The following PPM1D variants were observed in gnomAD, a reference collection of about 807,000 sequenced individuals.
The protein encoded by PPM1D is protein phosphatase 1D.
A neutral mutation model predicts 58.3 loss-of-function variants in PPM1D; 52 were observed. The ratio of observed to expected loss-of-function variants is 0.89; its 90% CI spans 0.71 to 1.12. PPM1D has a LOEUF of 1.12. Ranked by LOEUF, PPM1D falls within the 50% of genes most tolerant of loss-of-function variation. PPM1D has a pLI of 0.00. For missense variants in PPM1D, 564 were observed against 777.2 expected (o/e 0.73, Z 3.26); for synonymous variants, 278 against 285.1 (o/e 0.98, Z 0.25).
At chr17:60,620,643 G>C (rs2030681311) in intron 1 of PPM1D, among the ~76,000 whole-genome samples, 1 of 151,090 alleles carries the variant, frequency 6.6e-6, no homozygotes, top group South Asian at 2.1e-4. Flanking sequence ...CTCCTGAGCT[G>C]GGATTACAGG....
At chr17:60,619,344 G>A (rs2143647025) in intron 1 of PPM1D, among the ~76,000 whole-genome samples, 1 of 152,002 alleles carries the variant, frequency 6.6e-6, no homozygotes, top group East Asian at 1.9e-4. Context: ...TGCAGGGAGT[G>A]TTGAGGTACA....
intron 1 of PPM1D, among the ~76,000 whole-genome samples, chr17:60,620,628 G>A (rs1334346725): frequency 6.6e-6 from 1 of 151,902 alleles, no homozygotes; most frequent in African/African-American, 2.4e-5. Flanking sequence ...CTGAGGTTAG[G>A]ATCCCTCCTG....
intron 5 of PPM1D, chr17:60,657,199 T>A: frequency 1.4e-6 from 1 of 720,664 alleles, no homozygotes; most frequent in Non-Finnish European, 1.7e-6. Context: ...TTATCAGTAA[T>A]AAGCCTGAGA....
chr17:60,615,341 C>T (rs1434714480), intron 1 of PPM1D, among the ~76,000 whole-genome samples: 1 of 151,980 alleles, frequency 6.6e-6, no homozygotes, highest in Non-Finnish European at 1.5e-5. Flanking sequence ...GCCGAGGAGG[C>T]AGAGGTTGTG....
intron 5 of PPM1D, among the ~76,000 whole-genome samples, chr17:60,658,414 T>G (rs1418043382): frequency 6.9e-6 from 1 of 143,926 alleles, no homozygotes; most frequent in African/African-American, 2.6e-5. Flanking sequence ...TTTGGGAGGC[T>G]GAGTTGGGCA....
At chr17:60,611,457 T>A (rs767110890) in intron 1 of PPM1D, among the ~76,000 whole-genome samples, 1 of 151,870 alleles carries the variant, frequency 6.6e-6, no homozygotes, top group East Asian at 1.9e-4. Context: ...TGAGACAGGG[T>A]CTTGCTCTGT....
intron 1 of PPM1D, among the ~76,000 whole-genome samples, chr17:60,602,204 C>G (rs1044673764): frequency 6.6e-6 from 1 of 152,048 alleles, no homozygotes; most frequent in South Asian, 2.1e-4. Flanking sequence ...GTGTAGGCAC[C>G]GTAGAGCTGA....
intron 2 of PPM1D, among the ~76,000 whole-genome samples, chr17:60,633,018 A>T (rs1375551335): frequency 1.3e-5 from 2 of 151,766 alleles, no homozygotes; most frequent in Non-Finnish European, 2.9e-5. Flanking sequence ...ACGGTGGCTG[A>T]CGTCAGCCTG....
At position 60,663,662 on chromosome 17, in the gene PPM1D, A is replaced by C. The variant is rs549988197; in HGVS notation, c.*110A>C. 2.5e-6 allele frequency: 3 copies of C among 1,199,898 alleles called. No homozygotes were observed. The highest frequency in any genetic ancestry group is 3.1e-5 in the African/African-American group (2 of 64,826). 74.3% of individuals were successfully genotyped at this position (1,199,898 alleles called of 1,614,324 possible). On this transcript the variant is annotated 3_prime_UTR_variant, in exon 6 of 6. Transcript: ENST00000305921. The stretch of plus-strand genomic sequence containing the variant: ...GGGGAGAAAATTAAAAGAAATATAC[A>C]GTTTGACTTTTTGGAATTCAGCAGT...
chr17:60,630,960 A>G (rs2030909151), intron 2 of PPM1D, among the ~76,000 whole-genome samples: 1 of 152,278 alleles, frequency 6.6e-6, no homozygotes, highest in African/African-American at 2.4e-5. Context: ...TTTGAGAGTC[A>G]TCATTGAAGA....
chr17:60,654,915 T>C (rs12103842), intron 4 of PPM1D, among the ~76,000 whole-genome samples: 6,401 of 151,926 alleles, frequency 0.042, 368 homozygotes, highest in African/African-American at 0.13. Context: ...AAAATACATG[T>C]AGGCTTATTT....
intron 2 of PPM1D, among the ~76,000 whole-genome samples, chr17:60,625,692 G>T (rs1327913831): frequency 1.3e-5 from 2 of 152,104 alleles, no homozygotes; most frequent in Non-Finnish European, 2.9e-5. Context: ...CCATGTATAT[G>T]GGGAAGGTTT....
At position 60,650,113 on chromosome 17, in the gene PPM1D, A is replaced by G. The variant is rs568560470; in HGVS notation, c.1017+2031A>G. On this transcript the variant is annotated intron_variant, in intron 4 of 5. Transcript: ENST00000305921. ...AGCATCCGTATAATGTATAATTAGA[A>G]CAAGTCTTATGAGACCTGGAAGAGT... 2.6e-5 allele frequency among the ~76,000 whole-genome samples: 4 copies of G among 152,358 alleles called. No individual in the cohort carries two copies. The South Asian group carries it at 8.3e-4, about 32-fold the overall frequency.
chr17:60,637,020 G>A (rs1053402528), intron 3 of PPM1D, among the ~76,000 whole-genome samples: 3 of 146,558 alleles, frequency 2.0e-5, no homozygotes, highest in Non-Finnish European at 3.0e-5. Flanking sequence ...CCAGGTTGGC[G>A]TGCAGTGATG....
At position 60,600,495 on chromosome 17, in the gene PPM1D, C is replaced by A. The variant is rs974206177; in HGVS notation, c.81C>A (p.Ile27=). 2.5e-6 allele frequency: 4 copies of A among 1,572,444 alleles called. No individual in the cohort carries two copies. Among genetic ancestry groups the A allele is most frequent in the Middle Eastern group, 1.7e-4 (1 of 5,996 alleles). The part of the protein sequence containing the change: ...GRKYMEDVTQ[I]VVEPEPTAEE... ...AGTACATGGAGGACGTTACTCAAAT[C>A]GTTGTGGAGCCCGAACCGACGGCTG... Residue 27 remains isoleucine (I), a synonymous_variant, in exon 1 of 6, where the codon ATC becomes ATA. Coordinates refer to ENST00000305921, the MANE Select transcript of PPM1D (RefSeq NM_003620.4).
chr17:60,647,856 C>T, intron 3 of PPM1D, 36 bp from the exon 4 acceptor site: 1 of 1,548,372 alleles, frequency 6.5e-7, no homozygotes, highest in Non-Finnish European at 8.9e-7. Context: ...TAGCTTCCAA[C>T]TAATACTTCT....
intron 2 of PPM1D, among the ~76,000 whole-genome samples, chr17:60,627,042 A>G (rs2030825298): frequency 6.6e-6 from 1 of 152,092 alleles, no homozygotes; most frequent in African/African-American, 2.4e-5. Context: ...GATGTATGTG[A>G]TGTGAATTTT....
At chr17:60,635,753 T>G (rs1344709412) in intron 3 of PPM1D, among the ~76,000 whole-genome samples, 3 of 152,220 alleles carry the variant, frequency 2.0e-5, no homozygotes, top group Non-Finnish European at 4.4e-5. Flanking sequence ...CAGAGATATC[T>G]ACATGTTTAG....
intron 2 of PPM1D, among the ~76,000 whole-genome samples, chr17:60,628,515 C>T (rs1244915712): frequency 6.6e-5 from 10 of 152,152 alleles, no homozygotes; most frequent in Non-Finnish European, 1.5e-4. Flanking sequence ...CTGTTCATCC[C>T]TCCCCCACTT....
Sources: allele counts gnomAD v4.1 joint callset (sites outside exome capture counted in the v4.1 genomes callset), GRCh38; gene constraint gnomAD v4.1.1; transcripts MANE v1.5; gene names NCBI Gene and HGNC (gene_info 2026-07-23, HGNC 2026-07-21).